AP2S1: variants seen among roughly 807,000 people sequenced by gnomAD.
AP2S1 encodes the protein adaptor related protein complex 2 subunit sigma 1.
Under a neutral mutation model 21.0 loss-of-function variants are expected in AP2S1, and 6 were observed. The ratio of observed to expected loss-of-function variants is 0.29; its 90% CI spans 0.16 to 0.56. The LOEUF is 0.56. Ranked by LOEUF, AP2S1 falls within the 20% of genes least tolerant of loss-of-function variation. The probability of loss-of-function intolerance (pLI) is 0.92; values close to 1 mark genes in which losing one functional copy is unlikely to be tolerated. For synonymous variants in AP2S1, 63 were observed against 74.6 expected, an observed-to-expected ratio of 0.84 and a Z score of 0.80; for missense variants, 60 against 186.2, an observed-to-expected ratio of 0.32 and a Z score of 3.95.
intron 1 of AP2S1, among the ~76,000 whole-genome samples, chr19:46,846,537 A>G (rs747585249): frequency 2.0e-5 from 3 of 150,380 alleles, no homozygotes; most frequent in Non-Finnish European, 4.4e-5. Flanking sequence ...CGGCCTCCCA[A>G]ACTGCTGGGA....
chr19:46,839,427 C>T, intron 3 of AP2S1, 38 bp downstream of exon 3: 14 of 1,505,462 alleles, frequency 9.3e-6, no homozygotes, highest in Non-Finnish European at 1.2e-5. Context: ...CAGGGCTGCC[C>T]ACCCGCCTCC....
rs779269278 is a variant in AP2S1, at chr19:46,850,815, C to T, written c.-49G>A. On this transcript the variant is annotated 5_prime_UTR_variant, in exon 1 of 5. Transcript: ENST00000263270. Reference sequence around the variant, plus strand: ...CGGCCCCGGTCCCGCGGCGACTGGGCAGCTCCGGCTCAGGGTGCAGTTGTA... The same window carrying T: ...CGGCCCCGGTCCCGCGGCGACTGGGTAGCTCCGGCTCAGGGTGCAGTTGTA... The T allele has an allele frequency of 1.3e-6, 2 of 1,534,100 alleles. No homozygotes were observed. The highest frequency in any genetic ancestry group is 2.0e-5 in the Admixed American group (1 of 50,134).
chr19:46,845,475 C>T (rs2055615516), intron 2 of AP2S1, among the ~76,000 whole-genome samples: 1 of 151,792 alleles, frequency 6.6e-6, no homozygotes, highest in African/African-American at 2.4e-5. Context: ...AAGACAAGGT[C>T]TTGCTACATT....
intron 1 of AP2S1, among the ~76,000 whole-genome samples, chr19:46,849,640 T>A (rs1286345928): frequency 6.6e-6 from 1 of 152,096 alleles, no homozygotes; most frequent in African/African-American, 2.4e-5. Context: ...TCAAGTCCCC[T>A]CCGTCCTGAA....
In AP2S1 at chr19:46,838,988, G is replaced by A. The variant is rs904872491; in HGVS notation, c.268-189C>T. 6.6e-6 allele frequency among the ~76,000 whole-genome samples: 1 copy of A among 151,836 alleles called. No homozygotes were observed. Among genetic ancestry groups the A allele is most frequent in the African/African-American group, 2.4e-5 (1 of 41,322 alleles). On this transcript the variant is annotated intron_variant, in intron 3 of 4. Transcript: ENST00000263270. The surrounding 1 kb of genome is among the most constrained non-coding windows in gnomAD (Gnocchi z 4.1). The stretch of plus-strand genomic sequence containing the variant: ...GAGAGAAACAAAAGCAAAGATCGAT[G>A]CAAAGAGATGGCAAAAGGTCAGGCG...
At chr19:46,850,428 T>G (rs2055717853) in intron 1 of AP2S1, 1 of 886,522 alleles carries the variant, frequency 1.1e-6, no homozygotes, top group Non-Finnish European at 1.5e-6. Flanking sequence ...TCTCCCCACC[T>G]CCAATGCCTT....
At chr19:46,847,227 A>G (rs972173203) in intron 1 of AP2S1, among the ~76,000 whole-genome samples, 13 of 151,706 alleles carry the variant, frequency 8.6e-5, no homozygotes, top group African/African-American at 3.2e-4. Flanking sequence ...GTTGTGTAAA[A>G]ATCACCACTT....
chr19:46,839,448 T>TC lies in AP2S1; in HGVS notation c.267+16dup. The TC allele has an allele frequency of 1.4e-6, 1 of 723,162 alleles. No individual in the cohort carries two copies. Among genetic ancestry groups the TC allele is most frequent in the Non-Finnish European group, 2.4e-6 (1 of 423,320 alleles). 44.8% of individuals were successfully genotyped at this position (723,162 alleles called of 1,614,324 possible). On this transcript the variant is annotated intron_variant, in intron 3 of 4. Coordinates refer to ENST00000263270, the MANE Select transcript of AP2S1 (RefSeq NM_004069.6). ...TGCCCACCCGCCTCCCCACCTTACATCCCTCTCCCGCCGTACCTCCACGAA... is the reference window on the plus strand; with the variant it reads ...TGCCCACCCGCCTCCCCACCTTACATCCCCTCTCCCGCCGTACCTCCACGAA...
chr19:46,849,108 C>A (rs1201000758), intron 1 of AP2S1, among the ~76,000 whole-genome samples: 1 of 149,260 alleles, frequency 6.7e-6, no homozygotes, highest in African/African-American at 2.5e-5. Flanking sequence ...CGGGTTCAAG[C>A]GATTCTCCTG....
At chr19:46,844,338 T>C (rs997972205) in intron 2 of AP2S1, among the ~76,000 whole-genome samples, 3 of 152,200 alleles carry the variant, frequency 2.0e-5, no homozygotes, top group African/African-American at 7.2e-5. Flanking sequence ...ATTCCTGCTA[T>C]CCCTGGAACG....
At chr19:46,849,466 G>A (rs1387145568) in intron 1 of AP2S1, among the ~76,000 whole-genome samples, 1 of 152,088 alleles carries the variant, frequency 6.6e-6, no homozygotes, top group Non-Finnish European at 1.5e-5. Context: ...AGGAAGGGAC[G>A]TTGGGGGGCC....
rs111997019 is a variant in AP2S1 at position 46,839,156 on chromosome 19, G to A, written c.267+309C>T. On this transcript the variant is annotated intron_variant, in intron 3 of 4. Transcript: ENST00000263270. ...ACAAAAATTAGCTGGGCATCGTGGC[G>A]TGTGCCTGTAATCCCAGCTACTCAA... Among the ~76,000 whole-genome samples, 2,207 of 151,656 alleles carry A rather than the reference G, an allele frequency of 0.015. 44 individuals are homozygous for A. Among genetic ancestry groups the A allele is most frequent in the Admixed American group, 0.043 (657 of 15,212 alleles).
At chr19:46,846,449 T>G (rs2055636470) in intron 1 of AP2S1, among the ~76,000 whole-genome samples, 3 of 145,546 alleles carry the variant, frequency 2.1e-5, no homozygotes, top group South Asian at 4.5e-4. Context: ...CTGTTTTTTT[T>G]TTTTTTTTTT....
At chr19:46,849,470 G>T (rs913168948) in intron 1 of AP2S1, among the ~76,000 whole-genome samples, 18 of 152,110 alleles carry the variant, frequency 1.2e-4, no homozygotes, top group African/African-American at 4.3e-4. Context: ...AGGGACGTTG[G>T]GGGGCCTACA....
intron 2 of AP2S1, among the ~76,000 whole-genome samples, chr19:46,842,436 C>A (rs1414253448): frequency 1.3e-5 from 2 of 152,170 alleles, no homozygotes; most frequent in Non-Finnish European, 2.9e-5. Flanking sequence ...GTGAACCTAG[C>A]ACTGGGCTGA....
At chr19:46,848,970 C>G (rs1478690674) in intron 1 of AP2S1, among the ~76,000 whole-genome samples, 5 of 151,090 alleles carry the variant, frequency 3.3e-5, no homozygotes, top group Non-Finnish European at 7.4e-5. Context: ...CTCAGCCTCC[C>G]AAAGTGCTGG....
At chr19:46,840,681 A>G (rs1431303584) in intron 2 of AP2S1, among the ~76,000 whole-genome samples, 4 of 148,896 alleles carry the variant, frequency 2.7e-5, no homozygotes, top group Non-Finnish European at 4.4e-5. Flanking sequence ...CTGTGTCGCC[A>G]CCTGCTGACA....
In AP2S1 at chr19:46,838,365, C is replaced by A; in HGVS notation, c.*82G>T. The A allele has an allele frequency of 7.2e-7, 1 of 1,390,292 alleles. No homozygotes were observed. The highest frequency in any genetic ancestry group is 1.0e-6 in the Non-Finnish European group (1 of 986,354). The allele number at this position is 1,390,292 out of a possible 1,614,324, so 86.1% of individuals were successfully genotyped here. On this transcript the variant is annotated 3_prime_UTR_variant, in exon 5 of 5. Transcript: ENST00000263270. The surrounding 1 kb of genome is among the most constrained non-coding windows in gnomAD (Gnocchi z 4.1). The stretch of plus-strand genomic sequence containing the variant: ...TCCTAGGCAGCTGAGGGAAGGACTG[C>A]TGGGTTGGCCACGGGCCTGGGAAGG...
intron 3 of AP2S1, 96 bp downstream of exon 3, chr19:46,839,369 A>G: frequency 8.1e-6 from 10 of 1,233,970 alleles, no homozygotes; most frequent in Non-Finnish European, 1.1e-6. Flanking sequence ...CTGCAGAGGG[A>G]GGGCTCAGGA....
Sources: gnomAD v4.1 joint callset for allele counts (sites outside exome capture counted in the v4.1 genomes callset) on GRCh38, gnomAD v4.1.1 for gene constraint, Gnocchi (gnomAD v3.1) non-coding constraint, MANE v1.5 for transcripts, NCBI Gene and HGNC (gene_info 2026-07-23, HGNC 2026-07-21) for gene names.